Variants in TAF4B observed in about 807,000 individuals in gnomAD.
The protein encoded by TAF4B is transcription initiation factor TFIID subunit 4B.
Under a neutral mutation model 86.4 loss-of-function variants are expected in TAF4B, and 38 were observed. The ratio of observed to expected loss-of-function variants is 0.44; its 90% CI spans 0.34 to 0.58. TAF4B has a LOEUF of 0.58. Ranked by LOEUF, TAF4B falls within the 20% of genes least tolerant of loss-of-function variation. The pLI is 0.02. For synonymous variants in TAF4B, 388 were observed against 391.2 expected (o/e 0.99, Z 0.10); for missense variants, 988 against 1,027.6 (o/e 0.96, Z 0.53).
intron 14 of TAF4B, among the ~76,000 whole-genome samples, chr18:26,381,742 T>TA (rs2057480646): frequency 6.7e-6 from 1 of 149,680 alleles, no homozygotes; most frequent in South Asian, 2.1e-4. Flanking sequence ...AATAAATAAA[T>TA]AAATAAATAA....
Position 26,248,899 on chromosome 18 carries a change from C to T in TAF4B, c.344-16271C>T, listed in dbSNP as rs112121938. ...TTAAAAAAGGGGAACCTAGGCTGGG[C>T]GCAGTGGCTCACGCCTGTAATCCCA... On this transcript the variant is annotated intron_variant, in intron 1 of 14. Coordinates refer to ENST00000269142, the MANE Select transcript of TAF4B (RefSeq NM_005640.3). Among the ~76,000 whole-genome samples, 666 of 149,940 alleles carry T rather than the reference C, an allele frequency of 4.4e-3. 6 individuals carry two copies. Among genetic ancestry groups the T allele is most frequent in the African/African-American group, 0.016 (643 of 41,026 alleles).
intron 9 of TAF4B, among the ~76,000 whole-genome samples, chr18:26,307,614 C>G (rs2056808094): frequency 6.6e-6 from 1 of 151,934 alleles, no homozygotes; most frequent in Non-Finnish European, 1.5e-5. Context: ...GGTGTTTTAA[C>G]AACTAGGGGT....
rs1395233353 is a variant in TAF4B at position 26,227,284 on chromosome 18, G to C, written c.343+8G>C. Reference sequence around the variant, plus strand: ...ATTTGCAGCTTCCTCCAGGTATGTTGATAACCCTTTCCAGCCTTGTCTGTC... The same window carrying C: ...ATTTGCAGCTTCCTCCAGGTATGTTCATAACCCTTTCCAGCCTTGTCTGTC... On this transcript the variant is annotated splice_region_variant and intron_variant, in intron 1 of 14. Coordinates refer to ENST00000269142, the MANE Select transcript of TAF4B (RefSeq NM_005640.3). The C allele has an allele frequency of 1.2e-6, 2 of 1,608,860 alleles. No homozygotes were observed. The highest frequency in any genetic ancestry group is 8.5e-7 in the Non-Finnish European group (1 of 1,177,726).
chr18:26,236,362 G>A (rs372000686), intron 1 of TAF4B, among the ~76,000 whole-genome samples: 14 of 152,258 alleles, frequency 9.2e-5, no homozygotes, highest in South Asian at 2.1e-4. Flanking sequence ...TGAGAAGGCC[G>A]CGCTGGTGAC....
rs79890863 is a variant in TAF4B, at chr18:26,322,825, G to A, written c.2133+1625G>A. 8.4e-3 allele frequency among the ~76,000 whole-genome samples: 1,272 copies of A among 151,930 alleles called. 8 individuals are homozygous for A. Among genetic ancestry groups the A allele is most frequent in the Admixed American group, 0.014 (220 of 15,244 alleles). On this transcript the variant is annotated intron_variant, in intron 11 of 14. Transcript: ENST00000269142. ...TTTTTTTAGTTTCATAAGATGTAAAGTTAGGTTTTTTATTTGAGATCTTCC... is the reference window on the plus strand; with the variant it reads ...TTTTTTTAGTTTCATAAGATGTAAAATTAGGTTTTTTATTTGAGATCTTCC...
chr18:26,235,964 A>T (rs1007283833), intron 1 of TAF4B, among the ~76,000 whole-genome samples: 48 of 152,184 alleles, frequency 3.2e-4, no homozygotes, highest in Non-Finnish European at 6.0e-4. Context: ...ATGTCTAACA[A>T]TATCCTGTAA....
rs771081053 is a variant in TAF4B at position 26,350,349 on chromosome 18, C to G, written c.2317-7341C>G. Among the ~76,000 whole-genome samples, 153 of 152,148 alleles carry G rather than the reference C, an allele frequency of 1.0e-3. 4 individuals are homozygous for G. Among genetic ancestry groups the G allele is most frequent in the Non-Finnish European group, 2.8e-4 (19 of 68,022 alleles). ...ATCCAGAATATACAAATAGGCATCT[C>G]AACAGCAAAAAAATCAGTCTGATTA... On this transcript the variant is annotated intron_variant, in intron 13 of 14. Coordinates refer to ENST00000269142, the MANE Select transcript of TAF4B (RefSeq NM_005640.3).
In TAF4B at chr18:26,386,626, C is replaced by G. The variant is rs1394757846; in HGVS notation, c.2422-3219C>G. On this transcript the variant is annotated intron_variant, in intron 14 of 14. Coordinates refer to ENST00000269142, the MANE Select transcript of TAF4B (RefSeq NM_005640.3). ...TCTCCTGACTTTTTTTTAGCTTTGCCTGTTCTGGGACTTGGTAGAAATTGA... is the reference window on the plus strand; with the variant it reads ...TCTCCTGACTTTTTTTTAGCTTTGCGTGTTCTGGGACTTGGTAGAAATTGA... Among the ~76,000 whole-genome samples the G allele has an allele frequency of 3.3e-5, 5 of 152,144 alleles. No individual in the cohort carries two copies. The East Asian group carries it at 9.6e-4, about 29-fold the overall frequency.
chr18:26,306,210 C>T (rs1676995), intron 9 of TAF4B, among the ~76,000 whole-genome samples: 140,219 of 152,168 alleles, frequency 0.92, 65,047 homozygotes, highest in East Asian at 0.99. Context: ...GGTACATAGG[C>T]GTATATTTAT....
intron 8 of TAF4B, 78 bp downstream of exon 8, chr18:26,292,459 G>A: frequency 6.9e-7 from 1 of 1,458,316 alleles, no homozygotes; most frequent in Non-Finnish European, 9.3e-7. Context: ...TTGTTGCTGT[G>A]TTAAGAGAAG....
chr18:26,327,733 C>G (rs932914026), intron 12 of TAF4B, among the ~76,000 whole-genome samples: 19 of 152,074 alleles, frequency 1.2e-4, no homozygotes, highest in African/African-American at 4.6e-4. Context: ...CCACGCCTGG[C>G]TAATTTTTTT....
At chr18:26,347,736 C>T (rs1171666055) in intron 13 of TAF4B, among the ~76,000 whole-genome samples, 1 of 152,134 alleles carries the variant, frequency 6.6e-6, no homozygotes, top group Non-Finnish European at 1.5e-5. Flanking sequence ...TAGAAAAAGA[C>T]ATTTCCACAA....
intron 2 of TAF4B, 64 bp from the exon 3 acceptor site, chr18:26,267,452 A>C (rs2056254931): frequency 1.9e-6 from 2 of 1,042,282 alleles, no homozygotes; most frequent in Non-Finnish European, 3.0e-6. Flanking sequence ...TGTTCACTGC[A>C]GTACTGATCT....
chr18:26,363,905 A>T (rs2057350089), intron 14 of TAF4B, among the ~76,000 whole-genome samples: 1 of 152,212 alleles, frequency 6.6e-6, no homozygotes, highest in Admixed American at 6.5e-5. Flanking sequence ...TCCTACTAAA[A>T]GGGAGCACTC....
intron 1 of TAF4B, among the ~76,000 whole-genome samples, chr18:26,250,715 C>G (rs1423287867): frequency 6.6e-6 from 1 of 151,966 alleles, no homozygotes; most frequent in Non-Finnish European, 1.5e-5. Flanking sequence ...TAGTTTTTGT[C>G]TAACAAACTT....
At chr18:26,332,860 A>G (rs999866555) in intron 12 of TAF4B, among the ~76,000 whole-genome samples, 2 of 152,036 alleles carry the variant, frequency 1.3e-5, no homozygotes, top group Non-Finnish European at 2.9e-5. Context: ...GCTGGAATTA[A>G]AGCCCCAATT....
At chr18:26,262,361 A>G (rs1217053547) in intron 1 of TAF4B, among the ~76,000 whole-genome samples, 1 of 152,108 alleles carries the variant, frequency 6.6e-6, no homozygotes, top group African/African-American at 2.4e-5. Flanking sequence ...TGAGAAGGGA[A>G]AGAGAGGGGA....
intron 10 of TAF4B, among the ~76,000 whole-genome samples, chr18:26,317,540 G>A (rs903961711): frequency 6.6e-6 from 1 of 152,200 alleles, no homozygotes; most frequent in African/African-American, 2.4e-5. Flanking sequence ...CATAGACAAT[G>A]TGTAAACAAA....
intron 12 of TAF4B, among the ~76,000 whole-genome samples, chr18:26,332,114 T>C (rs2057054820): frequency 6.6e-6 from 1 of 152,208 alleles, no homozygotes; most frequent in South Asian, 2.1e-4. Context: ...GTCTGCTTTT[T>C]CTTAGATCTC....
Sources: gnomAD v4.1 joint callset for allele counts (sites outside exome capture counted in the v4.1 genomes callset) on GRCh38, gnomAD v4.1.1 for gene constraint, MANE v1.5 for transcripts, NCBI Gene and HGNC (gene_info 2026-07-23, HGNC 2026-07-21) for gene names.